The following CSMD1 variants were observed in gnomAD, a reference collection of about 807,000 sequenced individuals.
CSMD1 encodes the protein CUB and Sushi multiple domains 1.
A neutral mutation model predicts 417.5 loss-of-function variants in CSMD1; 213 were observed. The ratio of observed to expected loss-of-function variants is 0.51; its 90% confidence interval spans 0.46 to 0.57. The LOEUF (loss-of-function observed/expected upper bound fraction) is 0.57. Ranked by LOEUF, CSMD1 falls within the 20% of genes least tolerant of loss-of-function variation. The probability of loss-of-function intolerance (pLI) is 0.00; values close to 1 mark genes in which losing one functional copy is unlikely to be tolerated. For missense variants in CSMD1, 6,923 were observed against 4,529.7 expected (o/e 1.53, Z -15.17); for synonymous variants, 2,862 against 1,736.8 (o/e 1.65, Z -16.11).
intron 1 of CSMD1, among the ~76,000 whole-genome samples, chr8:4,834,977 AAAAG>A (rs1162672231): frequency 0.029 from 932 of 31,938 alleles, 49 homozygotes; most frequent in Middle Eastern, 0.056. Flanking sequence ...AAAAAAAAAA[AAAAG>A]AAAGAAAGAA....
chr8:4,742,069 C>A (rs555919348), intron 1 of CSMD1, among the ~76,000 whole-genome samples: 1 of 118,428 alleles, frequency 8.4e-6, no homozygotes, highest in East Asian at 2.7e-4. Flanking sequence ...CTCTCTCTGT[C>A]GCCCAGGCTG....
chr8:3,560,301 G>T (rs894020744), intron 10 of CSMD1, among the ~76,000 whole-genome samples: 1 of 152,102 alleles, frequency 6.6e-6, no homozygotes, highest in African/African-American at 2.4e-5. Context: ...TCATTTCTCT[G>T]AGAAACACAG....
intron 3 of CSMD1, among the ~76,000 whole-genome samples, chr8:4,061,967 G>C (rs754125628): frequency 6.6e-6 from 1 of 152,064 alleles, no homozygotes; most frequent in Non-Finnish European, 1.5e-5. Flanking sequence ...TCTTAGTCAG[G>C]GGATGCCAAA....
chr8:3,221,110 A>T (rs760785344), intron 28 of CSMD1, among the ~76,000 whole-genome samples: 5 of 152,156 alleles, frequency 3.3e-5, no homozygotes, highest in Non-Finnish European at 7.4e-5. Flanking sequence ...ATAAAATAGC[A>T]ACAGAAGTTC....
intron 1 of CSMD1, among the ~76,000 whole-genome samples, chr8:4,673,661 A>C (rs953143840): frequency 1.3e-5 from 2 of 151,904 alleles, no homozygotes; most frequent in Non-Finnish European, 2.9e-5. Flanking sequence ...ATTTACATCA[A>C]CTCTGCTAAT....
intron 41 of CSMD1, among the ~76,000 whole-genome samples, chr8:3,133,533 G>A (rs776076508): frequency 2.6e-5 from 4 of 152,146 alleles, no homozygotes; most frequent in Non-Finnish European, 5.9e-5. Context: ...CGTGGACACC[G>A]GCAGACGAGA....
chr8:2,998,203 A>C lies in CSMD1; in HGVS notation c.8204-19T>G. The C allele has an allele frequency of 6.2e-7, 1 of 1,612,530 alleles. No homozygotes were observed. Among genetic ancestry groups the C allele is most frequent in the Non-Finnish European group, 8.5e-7 (1 of 1,178,830 alleles). On this transcript the variant is annotated intron_variant, in intron 53 of 69. Transcript: ENST00000635120. ...GTGATGGCTGTAGAGAGACAGGTCA[A>C]CGTCATTGTTAAATATTGAACAGGT...
chr8:4,739,500 A>G (rs187052981), intron 1 of CSMD1, among the ~76,000 whole-genome samples: 4 of 152,250 alleles, frequency 2.6e-5, no homozygotes, highest in African/African-American at 9.6e-5. Flanking sequence ...AAGTAACAAA[A>G]CTTTTCTGTG....
At chr8:3,818,133 T>C (rs1801501870) in intron 5 of CSMD1, among the ~76,000 whole-genome samples, 1 of 151,598 alleles carries the variant, frequency 6.6e-6, no homozygotes, top group South Asian at 2.1e-4. Flanking sequence ...CCAAAGAGAG[T>C]TTCAGCTAAG....
In CSMD1 at chr8:3,214,504, G is replaced by A; in HGVS notation, c.4860C>T (p.Ser1620=). 6.3e-7 allele frequency: 1 copy of A among 1,592,776 alleles called. No homozygotes were observed. The highest frequency in any genetic ancestry group is 1.3e-5 in the African/African-American group (1 of 74,576). ...GKPSWDQVLP[S]CNAPCGGQYT... ...ACCCAAGCGTGCACTCACCATTGCA[G>A]GAGGGCAGCACTTGGTCCCAGGAGG... The change falls in exon 30 of 70, where the codon TCC becomes TCT. Residue 1620 remains serine, a synonymous_variant. Coordinates refer to ENST00000635120, the MANE Select transcript of CSMD1 (RefSeq NM_033225.6).
chr8:4,642,237 G>T (rs982829113), intron 1 of CSMD1, among the ~76,000 whole-genome samples: 1 of 152,178 alleles, frequency 6.6e-6, no homozygotes, highest in Admixed American at 6.5e-5. Context: ...CCTCTTGGAG[G>T]CCGGAAAACA....
chr8:3,212,008 A>G (rs1396101004), intron 30 of CSMD1, among the ~76,000 whole-genome samples: 1 of 152,116 alleles, frequency 6.6e-6, no homozygotes, highest in Non-Finnish European at 1.5e-5. Context: ...CCACCTCACC[A>G]AGTGACACCC....
chr8:4,268,136 G>A (rs1159946678), intron 3 of CSMD1, among the ~76,000 whole-genome samples: 1 of 152,076 alleles, frequency 6.6e-6, no homozygotes, highest in African/African-American at 2.4e-5. Context: ...TTAAACATAT[G>A]TCCAAATCCA....
chr8:4,437,365 T>C (rs75247920), intron 2 of CSMD1, among the ~76,000 whole-genome samples: 3,080 of 152,238 alleles, frequency 0.02, 120 homozygotes, highest in African/African-American at 0.071. Context: ...ATTGCTAACA[T>C]CCTTGTATGT....
At chr8:4,299,599 C>G (rs556620636) in intron 3 of CSMD1, among the ~76,000 whole-genome samples, 1 of 152,124 alleles carries the variant, frequency 6.6e-6, no homozygotes, top group African/African-American at 2.4e-5. Flanking sequence ...CCCATATTGG[C>G]CAATATTTTT....
chr8:3,308,916 G>A (rs920471450), intron 23 of CSMD1, among the ~76,000 whole-genome samples: 10 of 151,750 alleles, frequency 6.6e-5, no homozygotes, highest in African/African-American at 2.4e-4. Context: ...GTAGAGACGG[G>A]GTTTCACTAT....
chr8:4,587,965 C>G (rs1799787733), intron 2 of CSMD1, among the ~76,000 whole-genome samples: 1 of 152,146 alleles, frequency 6.6e-6, no homozygotes, highest in Non-Finnish European at 1.5e-5. Context: ...TTAAAGTATA[C>G]CCAGCAACAT....
chr8:4,423,816 T>C (rs1277772715), intron 2 of CSMD1, among the ~76,000 whole-genome samples: 1 of 152,042 alleles, frequency 6.6e-6, no homozygotes, highest in Non-Finnish European at 1.5e-5. Context: ...CAAGACTTAT[T>C]TTATATCTAC....
chr8:4,408,175 G>A (rs1412997010), intron 3 of CSMD1, among the ~76,000 whole-genome samples: 1 of 152,232 alleles, frequency 6.6e-6, no homozygotes, highest in Non-Finnish European at 1.5e-5. Flanking sequence ...AGCTTAGTCA[G>A]ATGTATACAA....
Sources: allele counts gnomAD v4.1 joint callset (sites outside exome capture counted in the v4.1 genomes callset), GRCh38; gene constraint gnomAD v4.1.1; transcripts MANE v1.5; gene names NCBI Gene and HGNC (gene_info 2026-07-23, HGNC 2026-07-21).